The following MALRD1 variants were observed in gnomAD, a reference collection of about 807,000 sequenced individuals.
The protein encoded by MALRD1 is MAM and LDL-receptor class A domain-containing protein 1.
A neutral mutation model predicts 242.1 loss-of-function variants in MALRD1; 247 were observed. The observed-to-expected ratio is 1.02, with a 90% CI of 0.92 to 1.13. The LOEUF (loss-of-function observed/expected upper bound fraction) is 1.13, where lower values mean the gene tolerates loss of function less well. Ranked by LOEUF, MALRD1 falls within the 50% of genes most tolerant of loss-of-function variation. MALRD1 has a pLI of 0.00. For synonymous variants in MALRD1, 995 were observed against 866.6 expected (o/e 1.15, Z -2.60); for missense variants, 2,989 against 2,533.1 (o/e 1.18, Z -3.86).
chr10:19,094,173 G>A (rs1199480127), intron 4 of MALRD1, among the ~76,000 whole-genome samples: 7 of 106,780 alleles, frequency 6.6e-5, no homozygotes, highest in Middle Eastern at 5.1e-3. Flanking sequence ...GGGCAATGGC[G>A]GGCGCCCCTC....
At chr10:19,603,406 C>A (rs377439724) in intron 34 of MALRD1, among the ~76,000 whole-genome samples, 113 of 152,122 alleles carry the variant, frequency 7.4e-4, no homozygotes, top group Middle Eastern at 3.4e-3. Flanking sequence ...TCAGCTTTCT[C>A]CATATGGCTA....
At chr10:19,119,378 A>G (rs149948315) in intron 5 of MALRD1, among the ~76,000 whole-genome samples, 64 of 152,290 alleles carry the variant, frequency 4.2e-4, no homozygotes, top group Non-Finnish European at 7.6e-4. Flanking sequence ...AGAGCCGGCT[A>G]TGTGGGAGAC....
At chr10:19,333,409 G>T (rs540477737) in intron 24 of MALRD1, among the ~76,000 whole-genome samples, 14 of 152,194 alleles carry the variant, frequency 9.2e-5, no homozygotes, top group East Asian at 7.7e-4. Context: ...TTGGTTTTCT[G>T]TTCCTGCATT....
chr10:19,307,378 A>T (rs1415997191), intron 21 of MALRD1, among the ~76,000 whole-genome samples: 1 of 151,524 alleles, frequency 6.6e-6, no homozygotes, highest in African/African-American at 2.4e-5. Context: ...ATGAGCCCTC[A>T]ACTGTCAGGA....
intron 28 of MALRD1, among the ~76,000 whole-genome samples, chr10:19,446,799 G>A (rs1835007673): frequency 6.6e-6 from 1 of 151,898 alleles, no homozygotes; most frequent in Non-Finnish European, 1.5e-5. Flanking sequence ...TTATTAATGT[G>A]GTTAATCACT....
intron 38 of MALRD1, among the ~76,000 whole-genome samples, chr10:19,720,563 C>G (rs1308698772): frequency 6.6e-6 from 1 of 152,190 alleles, no homozygotes; most frequent in Non-Finnish European, 1.5e-5. Flanking sequence ...CATCCTGCCT[C>G]TAATAAATAT....
At chr10:19,126,051 A>G (rs1290975922) in intron 7 of MALRD1, among the ~76,000 whole-genome samples, 1 of 151,934 alleles carries the variant, frequency 6.6e-6, no homozygotes, top group East Asian at 1.9e-4. Context: ...ACAATTTTAG[A>G]ATTTTTTTTT....
chr10:19,191,720 G>C (rs115862415), intron 14 of MALRD1, among the ~76,000 whole-genome samples: 1 of 152,086 alleles, frequency 6.6e-6, no homozygotes, highest in Admixed American at 6.5e-5. Flanking sequence ...GGACATGGCC[G>C]GGTGCGGTTA....
intron 38 of MALRD1, among the ~76,000 whole-genome samples, chr10:19,729,421 T>C (rs1835182970): frequency 6.6e-6 from 1 of 152,216 alleles, no homozygotes. Flanking sequence ...CATTGTGTTA[T>C]ACAATTATCA....
chr10:19,132,320 A>C (rs943288428), intron 8 of MALRD1, among the ~76,000 whole-genome samples: 1 of 152,208 alleles, frequency 6.6e-6, no homozygotes, highest in Non-Finnish European at 1.5e-5. Flanking sequence ...GCTTGTCTCA[A>C]CTTTTTATAA....
At position 19,224,284 on chromosome 10, in the gene MALRD1, C is replaced by CTT. The variant is rs377702801; in HGVS notation, c.2991+14621_2991+14622dup. On this transcript the variant is annotated intron_variant, in intron 18 of 39. Transcript: ENST00000454679. Reference sequence around the variant, plus strand: ...ATCTCATTGGACCAGGGATGATGAGCTTTTTTTTTTTTTTTTTTCTTCGAG... The same window carrying CTT: ...ATCTCATTGGACCAGGGATGATGAGCTTTTTTTTTTTTTTTTTTTTCTTCGAG... Among the ~76,000 whole-genome samples the CTT allele has an allele frequency of 3.2e-4, 43 of 136,338 alleles. 1 individual carries two copies. Among genetic ancestry groups the CTT allele is most frequent in the Admixed American group, 1.1e-3 (14 of 13,210 alleles). 89.4% of individuals were successfully genotyped at this position (136,338 alleles called of 152,430 possible).
intron 5 of MALRD1, among the ~76,000 whole-genome samples, chr10:19,109,937 C>T (rs571862648): frequency 1.3e-5 from 2 of 152,282 alleles, no homozygotes; most frequent in Non-Finnish European, 2.9e-5. Context: ...ATGGGGGATG[C>T]TGGGGGCCTC....
At chr10:19,386,041 A>G (rs548318807) in intron 26 of MALRD1, among the ~76,000 whole-genome samples, 10 of 152,224 alleles carry the variant, frequency 6.6e-5, no homozygotes, top group African/African-American at 2.4e-4. Context: ...GCAACCTCAA[A>G]CAGTTCAGGA....
intron 1 of MALRD1, chr10:19,051,514 A>C (rs1245386989): frequency 5.2e-6 from 1 of 193,916 alleles, no homozygotes; most frequent in African/African-American, 2.3e-5. Flanking sequence ...TGTTGGAAAA[A>C]CTTGAAGGCC....
intron 23 of MALRD1, among the ~76,000 whole-genome samples, chr10:19,329,316 A>C (rs1588919046): frequency 6.6e-6 from 1 of 152,176 alleles, no homozygotes; most frequent in Non-Finnish European, 1.5e-5. Context: ...TAGTCTCACA[A>C]AGAAGACTGC....
At chr10:19,590,754 T>C (rs73595852) in intron 33 of MALRD1, among the ~76,000 whole-genome samples, 6,607 of 152,072 alleles carry the variant, frequency 0.043, 429 homozygotes, top group African/African-American at 0.14. Context: ...TCTACAGCAG[T>C]TTTAGGTTCA....
At chr10:19,433,198 G>C (rs1834215433) in intron 28 of MALRD1, among the ~76,000 whole-genome samples, 1 of 152,208 alleles carries the variant, frequency 6.6e-6, no homozygotes, top group Non-Finnish European at 1.5e-5. Flanking sequence ...AGAAGGAGAA[G>C]TATATCCTGC....
At chr10:19,664,315 A>G (rs1287371432) in intron 36 of MALRD1, among the ~76,000 whole-genome samples, 1 of 152,036 alleles carries the variant, frequency 6.6e-6, no homozygotes, top group East Asian at 1.9e-4. Flanking sequence ...TTTGCTTTGT[A>G]CCTTTCTTGT....
At chr10:19,559,424 C>T (rs898429549) in intron 32 of MALRD1, among the ~76,000 whole-genome samples, 1 of 151,858 alleles carries the variant, frequency 6.6e-6, no homozygotes, top group Non-Finnish European at 1.5e-5. Flanking sequence ...TAAAATTTTC[C>T]TCTAAGCACT....
Sources: allele counts gnomAD v4.1 joint callset (sites outside exome capture counted in the v4.1 genomes callset), GRCh38; gene constraint gnomAD v4.1.1; transcripts MANE v1.5; gene names NCBI Gene and HGNC (gene_info 2026-07-23, HGNC 2026-07-21).